Variants in PCDH15 observed in about 807,000 individuals in gnomAD.
The protein encoded by PCDH15 is protocadherin-15.
In PCDH15, 129 loss-of-function variants were observed where a neutral mutation model predicts 178.5. That is an observed-to-expected ratio of 0.72 (90% CI 0.63 to 0.84). The LOEUF (loss-of-function observed/expected upper bound fraction) is 0.84, where lower values mean the gene tolerates loss of function less well. PCDH15 is among the 40% of genes least tolerant of loss of function. The pLI is 0.00. For missense variants in PCDH15, 2,230 were observed against 2,099.9 expected (o/e 1.06, Z -1.21); for synonymous variants, 800 against 732.0 (o/e 1.09, Z -1.50).
intron 2 of PCDH15, among the ~76,000 whole-genome samples, chr10:55,001,843 G>T (rs762545597): frequency 3.3e-5 from 5 of 152,154 alleles, no homozygotes; most frequent in Non-Finnish European, 5.9e-5. Flanking sequence ...ACCCCCTAAG[G>T]ATCCTCTGAC....
At chr10:53,923,380 GACT>G (rs1400242453) in intron 25 of PCDH15, among the ~76,000 whole-genome samples, 1 of 152,172 alleles carries the variant, frequency 6.6e-6, no homozygotes, top group African/African-American at 2.4e-5. Context: ...GGGAAGAACT[GACT>G]ACGAGACTTG....
intron 1 of PCDH15, among the ~76,000 whole-genome samples, chr10:54,678,049 G>T (rs1359221039): frequency 6.6e-6 from 1 of 152,104 alleles, no homozygotes; most frequent in Non-Finnish European, 1.5e-5. Flanking sequence ...GGATGCTGAG[G>T]ATATACTAGG....
intron 25 of PCDH15, among the ~76,000 whole-genome samples, chr10:53,905,499 A>T (rs1000393261): frequency 3.3e-5 from 5 of 151,834 alleles, no homozygotes; most frequent in African/African-American, 1.2e-4. Flanking sequence ...ATGGCTGGCT[A>T]ATTTTTTGTG....
At chr10:55,407,088 A>G (rs1281182036) in intron 2 of PCDH15, among the ~76,000 whole-genome samples, 1 of 152,286 alleles carries the variant, frequency 6.6e-6, no homozygotes, top group African/African-American at 2.4e-5. Context: ...GGTAGCAATG[A>G]AAGCCTGATT....
intron 3 of PCDH15, among the ~76,000 whole-genome samples, chr10:54,858,292 A>G (rs3902590): frequency 0.21 from 31,179 of 152,034 alleles, 3,307 homozygotes; most frequent in Non-Finnish European, 0.22. Flanking sequence ...ATACTACGAT[A>G]TCTTTGTTGA....
intron 2 of PCDH15, among the ~76,000 whole-genome samples, chr10:54,579,184 T>A (rs571470957): frequency 6.6e-6 from 1 of 152,016 alleles, no homozygotes; most frequent in Admixed American, 6.6e-5. Flanking sequence ...ACACCCCACT[T>A]AGAAGGCACA....
At chr10:54,181,027 T>A (rs1219529645) in intron 13 of PCDH15, among the ~76,000 whole-genome samples, 2 of 152,204 alleles carry the variant, frequency 1.3e-5, no homozygotes, top group Non-Finnish European at 2.9e-5. Context: ...ATATAATTGC[T>A]ATGATTTTCT....
At chr10:54,441,364 A>G (rs2075780324) in intron 3 of PCDH15, among the ~76,000 whole-genome samples, 1 of 151,988 alleles carries the variant, frequency 6.6e-6, no homozygotes, top group Admixed American at 6.6e-5. Context: ...AGACTTAAGA[A>G]CTACTATTAA....
chr10:55,287,139 G>T (rs1025524185), intron 1 of PCDH15, among the ~76,000 whole-genome samples: 2 of 151,856 alleles, frequency 1.3e-5, no homozygotes, highest in Non-Finnish European at 2.9e-5. Flanking sequence ...GTAACTTCAA[G>T]TTGCCTCAGC....
intron 9 of PCDH15, among the ~76,000 whole-genome samples, chr10:54,216,044 G>GAAAAAAAAA (rs10648282): frequency 1.4e-5 from 1 of 70,388 alleles, no homozygotes. Flanking sequence ...CTCCGTCTCA[G>GAAAAAAAAA]AAAAAAAAAA....
intron 21 of PCDH15, among the ~76,000 whole-genome samples, chr10:53,964,792 G>C (rs2088815359): frequency 6.6e-6 from 1 of 152,060 alleles, no homozygotes. Context: ...GGCCTATATG[G>C]ACAGAATCAG....
intron 1 of PCDH15, among the ~76,000 whole-genome samples, chr10:55,225,207 A>G (rs1840993772): frequency 6.6e-6 from 1 of 152,078 alleles, no homozygotes; most frequent in African/African-American, 2.4e-5. Context: ...AAATAAATGA[A>G]CAAGCAACAT....
intron 1 of PCDH15, among the ~76,000 whole-genome samples, chr10:54,693,691 G>A (rs1016556346): frequency 6.6e-6 from 1 of 152,226 alleles, no homozygotes; most frequent in African/African-American, 2.4e-5. Flanking sequence ...GATGAATAGG[G>A]AAAGACTCTC....
At chr10:54,432,289 A>AAC (rs1262821021) in intron 3 of PCDH15, among the ~76,000 whole-genome samples, 2 of 150,066 alleles carry the variant, frequency 1.3e-5, no homozygotes, top group Non-Finnish European at 3.0e-5. Flanking sequence ...CAAACAAACA[A>AAC]AAAAAACCTG....
intron 2 of PCDH15, among the ~76,000 whole-genome samples, chr10:55,442,893 T>C (rs1167489967): frequency 6.6e-6 from 1 of 151,976 alleles, no homozygotes; most frequent in Non-Finnish European, 1.5e-5. Flanking sequence ...GTCCCAATTT[T>C]AAAAAGGAGA....
At chr10:54,013,817 T>C (rs541030224) in intron 20 of PCDH15, among the ~76,000 whole-genome samples, 1 of 151,926 alleles carries the variant, frequency 6.6e-6, no homozygotes, top group Admixed American at 6.6e-5. Context: ...GGATATCAAA[T>C]GAACAATCTA....
chr10:53,895,370 G>A (rs77565679), intron 26 of PCDH15, among the ~76,000 whole-genome samples: 3,434 of 152,198 alleles, frequency 0.023, 108 homozygotes, highest in East Asian at 0.13. Context: ...TAAGTGTTAA[G>A]TCTTTTTTCT....
chr10:55,168,406 A>G (rs1307752864), intron 1 of PCDH15, among the ~76,000 whole-genome samples: 1 of 152,218 alleles, frequency 6.6e-6, no homozygotes, highest in Non-Finnish European at 1.5e-5. Flanking sequence ...AATTTTCTCA[A>G]TTTGTTTAAT....
intron 13 of PCDH15, among the ~76,000 whole-genome samples, chr10:54,178,055 G>A (rs186397708): frequency 5.9e-5 from 9 of 152,120 alleles, no homozygotes; most frequent in Admixed American, 2.0e-4. Flanking sequence ...TTTGAAGAAC[G>A]TTAATTTTTA....
Sources: allele counts gnomAD v4.1 joint callset (sites outside exome capture counted in the v4.1 genomes callset), GRCh38; gene constraint gnomAD v4.1.1; transcripts MANE v1.5; gene names NCBI Gene and HGNC (gene_info 2026-07-23, HGNC 2026-07-21).